The following KCNQ5 variants were observed in gnomAD, a reference collection of about 807,000 sequenced individuals.
KCNQ5 encodes the protein potassium voltage-gated channel subfamily KQT member 5.
In KCNQ5, 30 loss-of-function variants were observed where a neutral mutation model predicts 98.2. The ratio of observed to expected loss-of-function variants is 0.31; its 90% confidence interval spans 0.23 to 0.41. The LOEUF (loss-of-function observed/expected upper bound fraction) is 0.41. Among genes scored for constraint, KCNQ5 ranks in the 10% least tolerant of loss-of-function variants. KCNQ5 has a pLI of 1.00. For missense variants in KCNQ5, 835 were observed against 1,182.5 expected (o/e 0.71, Z 4.31); for synonymous variants, 458 against 449.4 (o/e 1.02, Z -0.24).
At chr6:72,825,098 T>C (rs1775931493) in intron 1 of KCNQ5, among the ~76,000 whole-genome samples, 1 of 151,900 alleles carries the variant, frequency 6.6e-6, no homozygotes, top group Admixed American at 6.6e-5. Flanking sequence ...GCCAGATGAC[T>C]TTTGCTCTAG....
At chr6:73,148,474 A>G (rs13204043) in intron 10 of KCNQ5, among the ~76,000 whole-genome samples, 1 of 152,246 alleles carries the variant, frequency 6.6e-6, no homozygotes, top group Non-Finnish European at 1.5e-5. Context: ...GGGAACAAAC[A>G]CAATGAAAAA....
chr6:72,845,876 G>T (rs1372574784), intron 1 of KCNQ5, among the ~76,000 whole-genome samples: 2 of 152,104 alleles, frequency 1.3e-5, no homozygotes, highest in Non-Finnish European at 2.9e-5. Context: ...TTTGACAGCT[G>T]CATTTATGGA....
chr6:72,882,634 T>C (rs1445075413), intron 1 of KCNQ5, among the ~76,000 whole-genome samples: 1 of 152,214 alleles, frequency 6.6e-6, no homozygotes, highest in East Asian at 1.9e-4. Flanking sequence ...TTTACTTTGC[T>C]TTTCTTTAAC....
At chr6:72,883,550 A>G (rs1778730359) in intron 1 of KCNQ5, among the ~76,000 whole-genome samples, 1 of 152,164 alleles carries the variant, frequency 6.6e-6, no homozygotes, top group Non-Finnish European at 1.5e-5. Flanking sequence ...ACATGAAGCA[A>G]ATACACTTGG....
intron 1 of KCNQ5, among the ~76,000 whole-genome samples, chr6:72,796,719 C>A (rs1050277842): frequency 6.6e-6 from 1 of 152,208 alleles, no homozygotes; most frequent in Non-Finnish European, 1.5e-5. Context: ...TGATAGGAAT[C>A]TTTGCTGACC....
intron 1 of KCNQ5, among the ~76,000 whole-genome samples, chr6:72,641,983 C>G (rs1183907412): frequency 6.6e-6 from 1 of 151,586 alleles, no homozygotes; most frequent in Non-Finnish European, 1.5e-5. Flanking sequence ...TCTTTTCTCT[C>G]AGTTTTCTTA....
intron 1 of KCNQ5, among the ~76,000 whole-genome samples, chr6:72,795,040 T>G (rs1015893379): frequency 2.0e-5 from 3 of 152,292 alleles, no homozygotes; most frequent in Middle Eastern, 3.4e-3. Context: ...TTGACTCTGC[T>G]CTGTCTCATC....
intron 1 of KCNQ5, among the ~76,000 whole-genome samples, chr6:72,919,399 A>T (rs901980080): frequency 2.0e-5 from 3 of 152,246 alleles, no homozygotes; most frequent in African/African-American, 7.2e-5. Context: ...TAATAGCATT[A>T]TTGAGTGGTT....
At chr6:73,134,517 G>C (rs954222007) in intron 10 of KCNQ5, among the ~76,000 whole-genome samples, 2 of 152,292 alleles carry the variant, frequency 1.3e-5, no homozygotes, top group South Asian at 4.1e-4. Flanking sequence ...AACAACCAGG[G>C]GTCATAATCA....
At chr6:72,727,544 A>G (rs1770348153) in intron 1 of KCNQ5, among the ~76,000 whole-genome samples, 1 of 151,834 alleles carries the variant, frequency 6.6e-6, no homozygotes, top group South Asian at 2.1e-4. Context: ...TCACTTTTGT[A>G]GACATATAGC....
chr6:72,663,304 C>A (rs1766623072), intron 1 of KCNQ5, among the ~76,000 whole-genome samples: 1 of 152,022 alleles, frequency 6.6e-6, no homozygotes, highest in Non-Finnish European at 1.5e-5. Context: ...TCTAAGGAGG[C>A]CTAAAGTTTC....
chr6:73,191,588 C>T (rs1278163694), intron 12 of KCNQ5, among the ~76,000 whole-genome samples: 1 of 152,054 alleles, frequency 6.6e-6, no homozygotes, highest in African/African-American at 2.4e-5. Flanking sequence ...TTTATGCCCC[C>T]CAGCACACTT....
intron 1 of KCNQ5, among the ~76,000 whole-genome samples, chr6:72,791,381 T>C (rs903972015): frequency 1.1e-4 from 16 of 152,196 alleles, no homozygotes; most frequent in African/African-American, 3.9e-4. Flanking sequence ...CTTGACATCA[T>C]ATTTTGAAGT....
intron 1 of KCNQ5, among the ~76,000 whole-genome samples, chr6:72,952,653 TGA>T (rs1411324616): frequency 3.0e-4 from 45 of 152,246 alleles, no homozygotes; most frequent in African/African-American, 1.1e-3. Context: ...TAGCTTAAGC[TGA>T]AGAGTTTAGA....
rs557702665 is a variant in KCNQ5, at chr6:72,766,452, G to C, written c.398+143865G>C. On this transcript the variant is annotated intron_variant, in intron 1 of 13. Transcript: ENST00000370398. ...AAAATAATCACTCCAGCTACTGTGG[G>C]AAAAAAAGATAATGGATATGGCGGT... Among the ~76,000 whole-genome samples the C allele has an allele frequency of 6.6e-5, 10 of 151,986 alleles. No homozygotes were observed. The East Asian group carries it at 1.4e-3, about 21-fold the overall frequency.
chr6:73,135,800 A>C (rs1214199694), intron 10 of KCNQ5: 3 of 152,204 alleles, frequency 2.0e-5, no homozygotes, highest in African/African-American at 7.2e-5. Context: ...GCCAAGTTTA[A>C]GGTGTCAGCA....
intron 1 of KCNQ5, among the ~76,000 whole-genome samples, chr6:72,787,969 CA>C (rs1201161800): frequency 6.6e-6 from 1 of 152,086 alleles, no homozygotes; most frequent in Non-Finnish European, 1.5e-5. Flanking sequence ...TGTTGTTTTC[CA>C]AAATGTTTCC....
chr6:72,819,475 GC>G (rs143465237), intron 1 of KCNQ5, among the ~76,000 whole-genome samples: 2,720 of 152,194 alleles, frequency 0.018, 85 homozygotes, highest in African/African-American at 0.062. Flanking sequence ...ATAATTTAAA[GC>G]CCTTTTTGTA....
rs191250670 is a variant in KCNQ5 at position 73,195,284 on chromosome 6, C to T, written c.2669C>T (p.Pro890Leu). The change falls in exon 14 of 14, where the codon CCG (proline) becomes CTG (leucine). Residue 890 changes from proline to leucine, a missense_variant. By Grantham distance (98) the Pro-to-Leu change is moderately conservative (BLOSUM62 -3). Around this residue, in one of 10 missense-constraint regions of KCNQ5, gnomAD observed 416 missense variants for 446.9 expected, o/e 0.93. Transcript: ENST00000370398. ...ETETDTFDAAPQPAREAAFAS... is the reference protein window; with the variant it reads ...ETETDTFDAALQPAREAAFAS... ...GAGACAGACACTTTTGATGCCGCAC[C>T]GCAGCCTGCCAGGGAAGCTGCCTTT... is the stretch of plus-strand genomic sequence containing the variant. 2.2e-5 allele frequency: 35 copies of T among 1,614,150 alleles called. No homozygotes were observed. The Admixed American group carries it at 3.7e-4, about 17-fold the overall frequency.
Sources: allele counts gnomAD v4.1 joint callset (sites outside exome capture counted in the v4.1 genomes callset), GRCh38; gene constraint gnomAD v4.1.1; regional missense constraint gnomAD v4.1.1; transcripts MANE v1.5; gene names NCBI Gene and HGNC (gene_info 2026-07-23, HGNC 2026-07-21).